ADGRL3: variants seen among roughly 807,000 people sequenced by gnomAD.
ADGRL3 encodes calcium-independent alpha-latrotoxin receptor 3.
A neutral mutation model predicts 153.5 loss-of-function variants in ADGRL3; 62 were observed. That is an observed-to-expected ratio of 0.40 (90% CI 0.33 to 0.50). The LOEUF (loss-of-function observed/expected upper bound fraction) is 0.50. Ranked by LOEUF, ADGRL3 falls within the 20% of genes least tolerant of loss-of-function variation. The pLI, the probability that ADGRL3 is intolerant of heterozygous loss-of-function variation, is 0.47. For synonymous variants in ADGRL3, 710 were observed against 672.5 expected (o/e 1.06, Z -0.86); for missense variants, 1,641 against 1,859.4 (o/e 0.88, Z 2.16).
chr4:61,725,746 C>CT (rs2096323155), intron 6 of ADGRL3, among the ~76,000 whole-genome samples: 1 of 135,308 alleles, frequency 7.4e-6, no homozygotes, highest in Non-Finnish European at 1.5e-5. Flanking sequence ...CTAAAGTATG[C>CT]TTTTTCATGG....
chr4:61,838,380 A>G (rs1016253249), intron 9 of ADGRL3, among the ~76,000 whole-genome samples: 1 of 152,198 alleles, frequency 6.6e-6, no homozygotes, highest in African/African-American at 2.4e-5. Context: ...AAGGAAATGG[A>G]AATAAACAGG....
intron 9 of ADGRL3, among the ~76,000 whole-genome samples, chr4:61,881,828 A>G (rs1316026635): frequency 1.3e-5 from 2 of 152,236 alleles, no homozygotes; most frequent in Non-Finnish European, 2.9e-5. Flanking sequence ...ATATTAGGCA[A>G]TAACTTCAGT....
chr4:61,754,866 G>A (rs540872516), intron 8 of ADGRL3, among the ~76,000 whole-genome samples: 64 of 152,008 alleles, frequency 4.2e-4, no homozygotes, highest in African/African-American at 1.3e-3. Context: ...GAGAATATGC[G>A]GTGTTTGTTT....
chr4:61,474,994 C>T (rs2098026307), intron 2 of ADGRL3, among the ~76,000 whole-genome samples: 2 of 152,068 alleles, frequency 1.3e-5, no homozygotes, highest in African/African-American at 4.8e-5. Context: ...AATCTCTCAC[C>T]AAAGAATGTG....
intron 8 of ADGRL3, among the ~76,000 whole-genome samples, chr4:61,787,449 T>C (rs80316531): frequency 0.014 from 2,088 of 152,200 alleles, 62 homozygotes; most frequent in African/African-American, 0.046. Flanking sequence ...CGCTGTATGC[T>C]TTGAAAATAT....
At chr4:61,584,081 C>A (rs1439908259) in intron 4 of ADGRL3, among the ~76,000 whole-genome samples, 1 of 151,876 alleles carries the variant, frequency 6.6e-6, no homozygotes, top group Non-Finnish European at 1.5e-5. Context: ...TTAACAAAAA[C>A]CTTTTTTTTT....
intron 2 of ADGRL3, among the ~76,000 whole-genome samples, chr4:61,394,815 T>A (rs1274025598): frequency 2.0e-5 from 3 of 152,182 alleles, no homozygotes; most frequent in Non-Finnish European, 2.9e-5. Context: ...TCAAATTGCC[T>A]CTTACAAGTG....
Position 62,060,294 on chromosome 4 carries a change from C to T in ADGRL3, c.3815-7872C>T, listed in dbSNP as rs531111033. Among the ~76,000 whole-genome samples, 32 of 152,018 alleles carry T rather than the reference C, an allele frequency of 2.1e-4. 1 individual carries two copies. The highest frequency in any genetic ancestry group is 6.3e-4 in the African/African-American group (26 of 41,532). On this transcript the variant is annotated intron_variant, in intron 25 of 26. Transcript: ENST00000683033. The stretch of plus-strand genomic sequence containing the variant: ...TATATGAAGCAAGGAAGAAGAGTGG[C>T]GTGCAATCTCCTTACCTTATTATTT...
intron 13 of ADGRL3, among the ~76,000 whole-genome samples, chr4:61,918,926 G>T (rs564493255): frequency 3.0e-4 from 46 of 152,228 alleles, no homozygotes; most frequent in Non-Finnish European, 5.4e-4. Flanking sequence ...CGTGCCTTTG[G>T]TGCATAAGAC....
chr4:61,743,396 T>A (rs1303402772), intron 8 of ADGRL3, among the ~76,000 whole-genome samples: 1 of 147,592 alleles, frequency 6.8e-6, no homozygotes, highest in East Asian at 2.0e-4. Context: ...AAGTGAAGAG[T>A]TCGGTATTTG....
intron 21 of ADGRL3, among the ~76,000 whole-genome samples, chr4:62,022,543 G>T (rs1009897595): frequency 1.3e-5 from 2 of 152,146 alleles, no homozygotes; most frequent in African/African-American, 4.8e-5. Context: ...CTAGAGAGAA[G>T]AAGTCAATGT....
At chr4:61,337,055 C>T (rs983158009) in intron 1 of ADGRL3, among the ~76,000 whole-genome samples, 3 of 88,780 alleles carry the variant, frequency 3.4e-5, no homozygotes, top group Non-Finnish European at 5.5e-5. Context: ...GATGAATTGC[C>T]CTTTGTTTTT....
At position 61,295,917 on chromosome 4, in the gene ADGRL3, G is replaced by A. The variant is rs149654097; in HGVS notation, c.-239-87207G>A. 3.8e-4 allele frequency among the ~76,000 whole-genome samples: 58 copies of A among 152,280 alleles called. No individual in the cohort carries two copies. The South Asian group carries it at 7.0e-3, about 18-fold the overall frequency. ...GCGTCCAAGAGTGTGAGACTTCAGT[G>A]AGCTGTGGATCGGCAACAGAGTGAA... On this transcript the variant is annotated intron_variant, in intron 1 of 26. Transcript: ENST00000683033.
At chr4:61,791,479 G>A (rs1376595578) in intron 8 of ADGRL3, among the ~76,000 whole-genome samples, 1 of 152,200 alleles carries the variant, frequency 6.6e-6, no homozygotes, top group African/African-American at 2.4e-5. Flanking sequence ...GCTTTGCAGG[G>A]TATGGCCTCC....
chr4:61,247,321 C>T (rs563484455), intron 1 of ADGRL3, among the ~76,000 whole-genome samples: 1 of 152,088 alleles, frequency 6.6e-6, no homozygotes, highest in East Asian at 1.9e-4. Flanking sequence ...GAAACCCTGC[C>T]TGTGTATGTT....
At chr4:61,856,861 A>G (rs2098273479) in intron 9 of ADGRL3, among the ~76,000 whole-genome samples, 1 of 147,250 alleles carries the variant, frequency 6.8e-6, no homozygotes, top group African/African-American at 2.5e-5. Flanking sequence ...TTGCCTCCCA[A>G]AATGCTGGGA....
intron 3 of ADGRL3, among the ~76,000 whole-genome samples, chr4:61,514,105 G>A (rs769196144): frequency 2.6e-5 from 4 of 152,182 alleles, no homozygotes; most frequent in Non-Finnish European, 5.9e-5. Context: ...AAGAACCTTC[G>A]AGGAGTAATT....
chr4:62,073,220 A>C lies in ADGRL3; in HGVS notation c.*2312A>C, dbSNP rs1234281608. 1 of 152,182 alleles carries C rather than the reference A, an allele frequency of 6.6e-6. No homozygotes were observed. The highest frequency in any genetic ancestry group is 6.5e-5 in the Admixed American group (1 of 15,270). The allele number at this position is 152,182 out of a possible 1,614,324, so 9.4% of individuals were successfully genotyped here. ...ATATAGTTTATAAATACATGACAAAAAAATTTCTGCTGAGCCAGAGTGCAT... is the reference window on the plus strand; with the variant it reads ...ATATAGTTTATAAATACATGACAAACAAATTTCTGCTGAGCCAGAGTGCAT... On this transcript the variant is annotated 3_prime_UTR_variant, in exon 27 of 27. Transcript: ENST00000683033.
At chr4:61,604,554 T>A (rs2099024518) in intron 5 of ADGRL3, among the ~76,000 whole-genome samples, 1 of 152,176 alleles carries the variant, frequency 6.6e-6, no homozygotes, top group South Asian at 2.1e-4. Context: ...GAAACTCAAA[T>A]GATCCTTTCT....
Sources: allele counts gnomAD v4.1 joint callset (sites outside exome capture counted in the v4.1 genomes callset), GRCh38; gene constraint gnomAD v4.1.1; transcripts MANE v1.5; gene names NCBI Gene and HGNC (gene_info 2026-07-23, HGNC 2026-07-21).